PSMG2: variants seen among roughly 807,000 people sequenced by gnomAD.
PSMG2 encodes CD40 ligand-activated specific transcript 3.
A neutral mutation model predicts 31.5 loss-of-function variants in PSMG2; 21 were observed. The observed-to-expected ratio is 0.67, with a 90% CI of 0.47 to 0.96. The LOEUF (loss-of-function observed/expected upper bound fraction) is 0.96. PSMG2 is among the 40% of genes least tolerant of loss of function. The pLI, the probability that PSMG2 is intolerant of heterozygous loss-of-function variation, is 0.00. For synonymous variants in PSMG2, 120 were observed against 110.4 expected (o/e 1.09, Z -0.54); for missense variants, 318 against 321.2 (o/e 0.99, Z 0.08).
chr18:12,710,102 C>A (rs1000381134), intron 2 of PSMG2, among the ~76,000 whole-genome samples: 5 of 151,984 alleles, frequency 3.3e-5, no homozygotes, highest in African/African-American at 1.2e-4. Flanking sequence ...GCCATCACGC[C>A]CGGCTACTTT....
chr18:12,680,860 C>A (rs780477208), intron 1 of PSMG2: 1 of 1,560,370 alleles, frequency 6.4e-7, no homozygotes, highest in South Asian at 1.2e-5. Flanking sequence ...AGTATTCATT[C>A]TTCCATATTA....
chr18:12,677,346 G>A (rs1017251905), intron 1 of PSMG2, among the ~76,000 whole-genome samples: 1 of 150,822 alleles, frequency 6.6e-6, no homozygotes, highest in Non-Finnish European at 1.5e-5. Context: ...GCTGAGGCAG[G>A]AGAATTGCTT....
rs892939408 is a variant in PSMG2, at chr18:12,674,478, C to G, written c.-37+15705C>G. On this transcript the variant is annotated intron_variant, in intron 1 of 6. Transcript: ENST00000585331. The stretch of plus-strand genomic sequence containing the variant: ...AAAAAGGAAATTAAAAAAACCCCTG[C>G]CGGACTGATCTGTAAGACTCCTAAA... The G allele has an allele frequency of 5.0e-5, 66 of 1,313,478 alleles. 1 individual carries two copies. The South Asian group carries it at 8.1e-4, about 16-fold the overall frequency. The allele number at this position is 1,313,478 out of a possible 1,614,324, so 81.4% of individuals were successfully genotyped here.
upstream of PSMG2, chr18:12,702,632 G>A (rs1015507977): frequency 4.9e-6 from 7 of 1,438,068 alleles, no homozygotes; most frequent in South Asian, 2.5e-5. Context: ...GGAGCGTTAG[G>A]AGCGACTGGA....
intron 1 of PSMG2, among the ~76,000 whole-genome samples, chr18:12,660,513 G>C (rs1368051813): frequency 6.6e-6 from 1 of 151,880 alleles, no homozygotes; most frequent in Non-Finnish European, 1.5e-5. Flanking sequence ...GTAAAGACAG[G>C]GTTTTACCAT....
intron 1 of PSMG2, among the ~76,000 whole-genome samples, chr18:12,659,562 C>T (rs905687765): frequency 1.3e-4 from 19 of 151,856 alleles, no homozygotes; most frequent in Admixed American, 1.2e-3. Context: ...CCCAGCTACC[C>T]GGGAGGCTGA....
At chr18:12,699,806 A>G, upstream of PSMG2, 1 of 1,323,220 alleles carries the variant, frequency 7.6e-7, no homozygotes, top group Non-Finnish European at 1.0e-6. Flanking sequence ...AACCACAACT[A>G]AATTAATGTT....
In PSMG2 at chr18:12,724,565, T is replaced by C; in HGVS notation, c.648T>C (p.Asp216=). The C allele has an allele frequency of 6.2e-7, 1 of 1,611,686 alleles. No homozygotes were observed. The highest frequency in any genetic ancestry group is 1.1e-5 in the South Asian group (1 of 90,566). The part of the protein sequence containing the change: ...KFVSEGDNIP[D]ALGLVEYLNE... ...TTTCAGAAGGGGACAACATCCCAGATGCATTAGGTCTTGTTGAGTATCTTA... is the reference window on the plus strand; with the variant it reads ...TTTCAGAAGGGGACAACATCCCAGACGCATTAGGTCTTGTTGAGTATCTTA... The change falls in exon 6 of 7, where the codon GAT becomes GAC. Residue 216 remains aspartate, a synonymous_variant. Coordinates refer to ENST00000317615, the MANE Select transcript of PSMG2 (RefSeq NM_020232.5).
chr18:12,710,237 C>T (rs1402533737), intron 2 of PSMG2, among the ~76,000 whole-genome samples: 2 of 152,128 alleles, frequency 1.3e-5, no homozygotes, highest in African/African-American at 2.4e-5. Flanking sequence ...CCACCACGCC[C>T]GCCCCTTTTA....
At chr18:12,677,752 C>T (rs1452458031) in intron 1 of PSMG2, among the ~76,000 whole-genome samples, 1 of 152,114 alleles carries the variant, frequency 6.6e-6, no homozygotes, top group Non-Finnish European at 1.5e-5. Context: ...AGCCATCAAG[C>T]CCAGCCTAAC....
In PSMG2 at chr18:12,710,924, A is replaced by G. The variant is rs2040323660; in HGVS notation, c.230-1778A>G. On this transcript the variant is annotated intron_variant, in intron 2 of 6. Coordinates refer to ENST00000317615, the MANE Select transcript of PSMG2 (RefSeq NM_020232.5). ...AGACCAGCCTGGGTAACATGATGAAACTCTGTCTCTACTAAAATACAAAAA... is the reference window on the plus strand; with the variant it reads ...AGACCAGCCTGGGTAACATGATGAAGCTCTGTCTCTACTAAAATACAAAAA... Among the ~76,000 whole-genome samples the G allele has an allele frequency of 4.0e-5, 6 of 151,780 alleles. No homozygotes were observed. In the South Asian group the frequency reaches 1.2e-3, roughly 31 times the overall value.
In PSMG2 at chr18:12,678,219, T is replaced by C. The variant is rs1013817335; in HGVS notation, c.-37+19446T>C. The C allele has an allele frequency of 2.5e-6, 4 of 1,614,056 alleles. No homozygotes were observed. In the African/African-American group the frequency reaches 5.3e-5, roughly 22 times the overall value. On this transcript the variant is annotated intron_variant, in intron 1 of 6. Coordinates refer to the PSMG2 transcript ENST00000585331. ...GGTGGAAAGGGAGGAAGGGATGTTG[T>C]AGCTCCAGGAGCACACACAGATTTA...
intron 1 of PSMG2, chr18:12,672,947 TA>T (rs1178582983): frequency 4.1e-6 from 4 of 982,368 alleles, no homozygotes; most frequent in African/African-American, 1.7e-5. Flanking sequence ...TAATTTCTCC[TA>T]ATCTGTATAA....
intron 1 of PSMG2, among the ~76,000 whole-genome samples, chr18:12,684,032 TA>T: frequency 6.6e-6 from 1 of 150,848 alleles, no homozygotes; most frequent in African/African-American, 2.4e-5. Context: ...TATATATATG[TA>T]TTTTTTTTTG....
chr18:12,687,508 C>T (rs1007257485), intron 1 of PSMG2, among the ~76,000 whole-genome samples: 9 of 144,236 alleles, frequency 6.2e-5, no homozygotes, highest in African/African-American at 2.3e-4. Flanking sequence ...GGCTGGAGTG[C>T]AGTAGTGTGA....
intron 1 of PSMG2, among the ~76,000 whole-genome samples, chr18:12,695,550 A>T (rs560416467): frequency 2.0e-5 from 3 of 152,194 alleles, no homozygotes; most frequent in African/African-American, 7.2e-5. Flanking sequence ...AATTATAAGG[A>T]GATTATTTTC....
At chr18:12,709,965 T>C (rs2040312890) in intron 2 of PSMG2, among the ~76,000 whole-genome samples, 1 of 139,014 alleles carries the variant, frequency 7.2e-6, no homozygotes, top group African/African-American at 2.8e-5. Flanking sequence ...TTTTTTGAGA[T>C]GGAGTCTTGC....
At chr18:12,723,824 G>T (rs1295498262) in intron 5 of PSMG2, among the ~76,000 whole-genome samples, 2 of 152,152 alleles carry the variant, frequency 1.3e-5, no homozygotes, top group African/African-American at 4.8e-5. Flanking sequence ...TGTGAAGTAG[G>T]TTCCATTATC....
At chr18:12,699,811 A>G (rs759184794), upstream of PSMG2, 12 of 1,352,994 alleles carry the variant, frequency 8.9e-6, no homozygotes. Context: ...CAACTAAATT[A>G]ATGTTAAAAT....
Sources: gnomAD v4.1 joint callset for allele counts (sites outside exome capture counted in the v4.1 genomes callset) on GRCh38, gnomAD v4.1.1 for gene constraint, MANE v1.5 for transcripts, NCBI Gene and HGNC (gene_info 2026-07-23, HGNC 2026-07-21) for gene names.